ACTL8: variants seen among roughly 807,000 people sequenced by gnomAD.
ACTL8 encodes the protein actin-like protein 8.
In ACTL8, 3 loss-of-function variants were observed where a neutral mutation model predicts 9.3. The observed-to-expected ratio is 0.32, with a 90% CI of 0.15 to 0.83. ACTL8 has a LOEUF of 0.83. ACTL8 is among the 40% of genes least tolerant of loss of function. The probability of loss-of-function intolerance (pLI) is 0.57; values close to 1 mark genes in which losing one functional copy is unlikely to be tolerated. For synonymous variants in ACTL8, 224 were observed against 205.9 expected (o/e 1.09, Z -0.75); for missense variants, 381 against 492.2 (o/e 0.77, Z 2.14).
rs2066050813 is a variant in ACTL8, at chr1:17,767,170, A to G, written c.-25+11666A>G. On this transcript the variant is annotated intron_variant, in intron 1 of 2. Transcript: ENST00000375406. This position sits in a 1 kb window ranked among gnomAD's most constrained non-coding sequence, Gnocchi z 4.7. ...CATGAAGAAGGGGTTCCAGGCAGAG[A>G]GCAGCGTCTGCAAAGGCCCTGCGGT... Among the ~76,000 whole-genome samples, 2 of 152,128 alleles carry G rather than the reference A, an allele frequency of 1.3e-5. No individual in the cohort carries two copies. The highest frequency in any genetic ancestry group is 1.3e-4 in the Admixed American group (2 of 15,272).
intron 1 of ACTL8, among the ~76,000 whole-genome samples, chr1:17,813,281 A>C (rs2066405014): frequency 1.3e-5 from 2 of 152,168 alleles, no homozygotes; most frequent in African/African-American, 4.8e-5. Context: ...AGGTGTTTGG[A>C]TATTCTCTTT....
intron 1 of ACTL8, among the ~76,000 whole-genome samples, chr1:17,762,883 C>T (rs945721514): frequency 6.6e-6 from 1 of 152,080 alleles, no homozygotes; most frequent in African/African-American, 2.4e-5. Context: ...TTTTCCTCTG[C>T]GTCCATGGGG....
At chr1:17,799,976 C>G (rs112511219) in intron 1 of ACTL8, among the ~76,000 whole-genome samples, 130 of 152,278 alleles carry the variant, frequency 8.5e-4, no homozygotes, top group African/African-American at 2.9e-3. Flanking sequence ...AATGTCTTAG[C>G]CGTTTCTATT....
chr1:17,771,976 C>A (rs919273180), intron 1 of ACTL8, among the ~76,000 whole-genome samples: 2 of 152,200 alleles, frequency 1.3e-5, no homozygotes, highest in African/African-American at 2.4e-5. Context: ...AGGCCACATT[C>A]TCCCCATTTG....
At chr1:17,819,135 TTG>T (rs1237942249) in intron 1 of ACTL8, among the ~76,000 whole-genome samples, 1 of 152,194 alleles carries the variant, frequency 6.6e-6, no homozygotes, top group East Asian at 1.9e-4. Context: ...CATGCGCACC[TTG>T]TTTCACAGCC....
intron 1 of ACTL8, among the ~76,000 whole-genome samples, chr1:17,807,732 A>T (rs1207767787): frequency 6.6e-6 from 1 of 152,130 alleles, no homozygotes; most frequent in Non-Finnish European, 1.5e-5. Flanking sequence ...TTCTCAGCAA[A>T]CTATCACAAG....
rs184750877 is a variant in ACTL8 at position 17,797,975 on chromosome 1, G to A, written c.-24-25010G>A. On this transcript the variant is annotated intron_variant, in intron 1 of 2. Coordinates refer to ENST00000375406, the MANE Select transcript of ACTL8 (RefSeq NM_030812.3). ...ATCATTGAGAAACTGAAATGCTGTC[G>A]AATCTGAGTGGGGCAGAGGACGGAA... Among the ~76,000 whole-genome samples, 1,098 of 152,280 alleles carry A rather than the reference G, an allele frequency of 7.2e-3. 5 individuals carry two copies. The highest frequency in any genetic ancestry group is 0.012 in the Non-Finnish European group (844 of 68,022).
chr1:17,775,987 T>A (rs930184165), intron 1 of ACTL8, among the ~76,000 whole-genome samples: 3 of 152,176 alleles, frequency 2.0e-5, no homozygotes, highest in African/African-American at 7.2e-5. Context: ...TCAGACCAGA[T>A]CTGTCACTGT....
At chr1:17,788,498 G>T (rs1309184840) in intron 1 of ACTL8, among the ~76,000 whole-genome samples, 4 of 152,250 alleles carry the variant, frequency 2.6e-5, no homozygotes, top group African/African-American at 9.6e-5. Context: ...GCCTGAGGAA[G>T]ATCACTGCCT....
chr1:17,791,524 G>A (rs2066239222), intron 1 of ACTL8, among the ~76,000 whole-genome samples: 1 of 152,184 alleles, frequency 6.6e-6, no homozygotes. Flanking sequence ...CCTTTATTTT[G>A]AGTCAGCTCA....
chr1:17,822,867 G>A (rs544298870), intron 1 of ACTL8, 118 bp from the exon 2 acceptor site: 17 of 674,500 alleles, frequency 2.5e-5, no homozygotes, highest in Non-Finnish European at 4.0e-5. Flanking sequence ...TAAAGGCTTG[G>A]AAGGGGCAGT....
At chr1:17,795,925 G>T (rs932855905) in intron 1 of ACTL8, among the ~76,000 whole-genome samples, 4 of 152,296 alleles carry the variant, frequency 2.6e-5, no homozygotes, top group Non-Finnish European at 1.5e-5. Flanking sequence ...CTGGCATGGG[G>T]TACAGCATTG....
chr1:17,771,270 C>G (rs528963785), intron 1 of ACTL8, among the ~76,000 whole-genome samples: 69 of 151,832 alleles, frequency 4.5e-4, no homozygotes, highest in Non-Finnish European at 9.1e-4. Context: ...AGATACTTTT[C>G]ATGTGTCACA....
chr1:17,810,130 T>A (rs2066384252), intron 1 of ACTL8, among the ~76,000 whole-genome samples: 1 of 152,218 alleles, frequency 6.6e-6, no homozygotes, highest in Non-Finnish European at 1.5e-5. Flanking sequence ...TGTCTTTCTT[T>A]GCTTCCTTTC....
At chr1:17,819,928 G>C (rs1043380456) in intron 1 of ACTL8, among the ~76,000 whole-genome samples, 1 of 152,018 alleles carries the variant, frequency 6.6e-6, no homozygotes, top group African/African-American at 2.4e-5. Context: ...AGGATTGCTT[G>C]AGCCCAGGAG....
intron 1 of ACTL8, among the ~76,000 whole-genome samples, chr1:17,774,299 G>T (rs888761139): frequency 6.6e-6 from 1 of 152,072 alleles, no homozygotes; most frequent in South Asian, 2.1e-4. Context: ...ACAGCTAGGC[G>T]CCCTTGCCCA....
At chr1:17,825,032 AT>A (rs1445348466) in intron 2 of ACTL8, among the ~76,000 whole-genome samples, 1 of 137,318 alleles carries the variant, frequency 7.3e-6, no homozygotes, top group Non-Finnish European at 1.5e-5. Context: ...TTCTGCTTCT[AT>A]GGGATTAGAA....
intron 1 of ACTL8, among the ~76,000 whole-genome samples, chr1:17,763,148 G>A (rs931478530): frequency 4.6e-5 from 7 of 152,182 alleles, no homozygotes; most frequent in African/African-American, 1.4e-4. Flanking sequence ...GACACTGTGG[G>A]CTCTGGGACA....
At chr1:17,813,576 AGTTTT>A (rs1371815503) in intron 1 of ACTL8, among the ~76,000 whole-genome samples, 1 of 152,000 alleles carries the variant, frequency 6.6e-6, no homozygotes, top group Non-Finnish European at 1.5e-5. Flanking sequence ...TTTTGGTTTG[AGTTTT>A]GTTTTATTTT....
Sources: allele counts gnomAD v4.1 joint callset (sites outside exome capture counted in the v4.1 genomes callset), GRCh38; gene constraint gnomAD v4.1.1; non-coding constraint Gnocchi (gnomAD v3.1); transcripts MANE v1.5; gene names NCBI Gene and HGNC (gene_info 2026-07-23, HGNC 2026-07-21).